Variants in KCNQ1 observed in about 807,000 individuals in gnomAD.
KCNQ1 encodes the protein potassium voltage-gated channel subfamily KQT member 1.
Under a neutral mutation model 72.4 loss-of-function variants are expected in KCNQ1, and 49 were observed. The observed-to-expected ratio is 0.68, with a 90% CI of 0.54 to 0.86. The LOEUF (loss-of-function observed/expected upper bound fraction) is 0.86, where lower values mean the gene tolerates loss of function less well. Among genes scored for constraint, KCNQ1 ranks in the 40% least tolerant of loss-of-function variants. The pLI, the probability that KCNQ1 is intolerant of heterozygous loss-of-function variation, is 0.00. For missense variants in KCNQ1, 790 were observed against 945.1 expected (o/e 0.84, Z 2.15); for synonymous variants, 450 against 412.6 (o/e 1.09, Z -1.10).
chr11:2,839,864 G>A (rs1445296191), intron 15 of KCNQ1: 2 of 152,196 alleles, frequency 1.3e-5, no homozygotes, highest in Non-Finnish European at 1.5e-5. Context: ...ATGCCAGAAC[G>A]AGCCTGTCGT....
At chr11:2,520,473 C>T (rs1263962801) in intron 1 of KCNQ1, among the ~76,000 whole-genome samples, 1 of 152,184 alleles carries the variant, frequency 6.6e-6, no homozygotes, top group African/African-American at 2.4e-5. Context: ...ACCTCCAAAC[C>T]CTGCTGAGGC....
intron 15 of KCNQ1, among the ~76,000 whole-genome samples, chr11:2,778,555 A>G (rs909863653): frequency 6.6e-6 from 1 of 152,014 alleles, no homozygotes; most frequent in African/African-American, 2.4e-5. Flanking sequence ...CCCACTCCCC[A>G]CCAGGCTCTG....
intron 2 of KCNQ1, among the ~76,000 whole-genome samples, chr11:2,554,870 A>G (rs1007928338): frequency 2.0e-5 from 3 of 152,184 alleles, no homozygotes; most frequent in Non-Finnish European, 4.4e-5. Flanking sequence ...CCCTTAAAAC[A>G]TTCCTGAAAG....
rs181665841 is a variant in KCNQ1, at chr11:2,840,085, C to T, written c.1795-7682C>T. 2.6e-5 allele frequency: 4 copies of T among 152,184 alleles called. No homozygotes were observed. The East Asian group carries it at 7.7e-4, about 29-fold the overall frequency. 9.4% of individuals were successfully genotyped at this position (152,184 alleles called of 1,614,324 possible). ...AACTTTTGACTCCCCAGAAACTTCA[C>T]TAATAGCCTCCTGTTGACTGGAGGC... On this transcript the variant is annotated intron_variant, in intron 15 of 15. Transcript: ENST00000155840.
Position 2,661,500 on chromosome 11 carries a change from A to C in KCNQ1, c.1394-461A>C, listed in dbSNP as rs912024880. 5.7e-5 allele frequency: 25 copies of C among 442,052 alleles called. 1 individual carries two copies. The highest frequency in any genetic ancestry group is 2.8e-5 in the Non-Finnish European group (7 of 251,606). 27.4% of individuals were successfully genotyped at this position (442,052 alleles called of 1,614,324 possible). ...CCACCTCCCAGGCTTGCCATTCCTC[A>C]TGGGTCAGAGGTCCTATCACCCCAT... On this transcript the variant is annotated intron_variant, in intron 10 of 15. Coordinates refer to ENST00000155840, the MANE Select transcript of KCNQ1 (RefSeq NM_000218.3). This position sits in a 1 kb window ranked among gnomAD's most constrained non-coding sequence, Gnocchi z 5.9.
At position 2,467,059 on chromosome 11, in the gene KCNQ1, A is replaced by T. The variant is rs529811045; in HGVS notation, c.386+21575A>T. Among the ~76,000 whole-genome samples the T allele has an allele frequency of 7.9e-5, 12 of 151,938 alleles. No homozygotes were observed. The East Asian group carries it at 2.3e-3, about 30-fold the overall frequency. ...CAGGGGAAGCCCGACAGATGGGGGC[A>T]CTCCAGGCAGGGGCAGGAGGTGACC... On this transcript the variant is annotated intron_variant, in intron 1 of 15. Coordinates refer to ENST00000155840, the MANE Select transcript of KCNQ1 (RefSeq NM_000218.3).
chr11:2,477,673 A>T lies in KCNQ1; in HGVS notation c.386+32189A>T, dbSNP rs936116506. On this transcript the variant is annotated intron_variant, in intron 1 of 15. Coordinates refer to ENST00000155840, the MANE Select transcript of KCNQ1 (RefSeq NM_000218.3). This position sits in a 1 kb window ranked among gnomAD's most constrained non-coding sequence, Gnocchi z 5.0. ...CACCACTTTGGGAGGCTAAGGTGGG[A>T]GGATTGCCTGAGCTCAGGAGACCAG... 4.6e-5 allele frequency among the ~76,000 whole-genome samples: 7 copies of T among 151,442 alleles called. No homozygotes were observed. The highest frequency in any genetic ancestry group is 7.4e-5 in the Non-Finnish European group (5 of 67,890).
chr11:2,692,072 T>C, intron 11 of KCNQ1: 3 of 398,762 alleles, frequency 7.5e-6, no homozygotes, highest in Non-Finnish European at 1.3e-5. Context: ...CAGACCCACA[T>C]TCCAGTCACC....
rs1850567906 is a variant in KCNQ1, at chr11:2,690,327, C to G, written c.1514+28246C>G. 5.0e-6 allele frequency: 2 copies of G among 398,680 alleles called. No homozygotes were observed. The highest frequency in any genetic ancestry group is 7.1e-5 in the East Asian group (2 of 28,086). The allele number at this position is 398,680 out of a possible 1,614,324, so 24.7% of individuals were successfully genotyped here. ...GATTGTCACAAGGATTAAATGATGTCAAGTCTGAGGCTGCCCTGCAGCTGC... is the reference window on the plus strand; with the variant it reads ...GATTGTCACAAGGATTAAATGATGTGAAGTCTGAGGCTGCCCTGCAGCTGC... On this transcript the variant is annotated intron_variant, in intron 11 of 15. Coordinates refer to ENST00000155840, the MANE Select transcript of KCNQ1 (RefSeq NM_000218.3). The surrounding 1 kb of genome is among the most constrained non-coding windows in gnomAD (Gnocchi z 5.1).
rs1849163464 is a variant in KCNQ1 at position 2,621,058 on chromosome 11, A to G, written c.1393+32204A>G. 2 of 395,800 alleles carry G rather than the reference A, an allele frequency of 5.1e-6. No homozygotes were observed. The highest frequency in any genetic ancestry group is 8.9e-6 in the Non-Finnish European group (2 of 225,534). 24.5% of individuals were successfully genotyped at this position (395,800 alleles called of 1,614,324 possible). A position where few individuals can be genotyped will look rare whatever the true frequency, so the allele number is the denominator to read the frequency against. Reference sequence around the variant, plus strand: ...AGTGGCGCAATCTCGGCTCACTGCAACCTCCACCTCCTGGGTTCAAGCAAT... The same window carrying G: ...AGTGGCGCAATCTCGGCTCACTGCAGCCTCCACCTCCTGGGTTCAAGCAAT... On this transcript the variant is annotated intron_variant, in intron 10 of 15. Transcript: ENST00000155840. This position sits in a 1 kb window ranked among gnomAD's most constrained non-coding sequence, Gnocchi z 5.7.
In KCNQ1 at chr11:2,642,506, A is replaced by G; in HGVS notation, c.1394-19455A>G. The G allele has an allele frequency of 5.0e-6, 2 of 397,972 alleles. No homozygotes were observed. Among genetic ancestry groups the G allele is most frequent in the African/African-American group, 2.1e-5 (1 of 48,736 alleles). The allele number at this position is 397,972 out of a possible 1,614,324, so 24.7% of individuals were successfully genotyped here. A position where few individuals can be genotyped will look rare whatever the true frequency, so the allele number is the denominator to read the frequency against. ...AGTTTTGATTTTTGTATTTCATGGT[A>G]TGAGTTGTAATATCCCCTTTTTCAT... On this transcript the variant is annotated intron_variant, in intron 10 of 15. Coordinates refer to ENST00000155840, the MANE Select transcript of KCNQ1 (RefSeq NM_000218.3). This position sits in a 1 kb window ranked among gnomAD's most constrained non-coding sequence, Gnocchi z 4.3.
At position 2,713,246 on chromosome 11, in the gene KCNQ1, G is replaced by C. The variant is rs139976972; in HGVS notation, c.1514+51165G>C. Reference sequence around the variant, plus strand: ...CCCGAGCCAGCCGGACCTGCATCCCGCTCCTCCTCCGCTCCCTGGAAACGT... The same window carrying C: ...CCCGAGCCAGCCGGACCTGCATCCCCCTCCTCCTCCGCTCCCTGGAAACGT... On this transcript the variant is annotated intron_variant, in intron 11 of 15. Transcript: ENST00000155840. This position sits in a 1 kb window ranked among gnomAD's most constrained non-coding sequence, Gnocchi z 5.6. Among the ~76,000 whole-genome samples the C allele has an allele frequency of 6.6e-6, 1 of 152,086 alleles. No individual in the cohort carries two copies. The highest frequency in any genetic ancestry group is 1.5e-5 in the Non-Finnish European group (1 of 68,020).
rs192055345 is a variant in KCNQ1, at chr11:2,506,850, A to G, written c.387-21078A>G. ...GAATTTGAATGTTTTCCCTGTGTCT[A>G]AAAGTCATGTGTGTGTGTATTTGTA... On this transcript the variant is annotated intron_variant, in intron 1 of 15. Coordinates refer to ENST00000155840, the MANE Select transcript of KCNQ1 (RefSeq NM_000218.3). Among the ~76,000 whole-genome samples, 30 of 152,316 alleles carry G rather than the reference A, an allele frequency of 2.0e-4. No homozygotes were observed. In the East Asian group the frequency reaches 2.7e-3, roughly 14 times the overall value.
chr11:2,487,907 T>C (rs1275459258), intron 1 of KCNQ1, among the ~76,000 whole-genome samples: 1 of 152,212 alleles, frequency 6.6e-6, no homozygotes, highest in African/African-American at 2.4e-5. Context: ...TTCAGTACAA[T>C]GTTGAATAGA....
chr11:2,756,518 GA>G (rs1362622229), intron 11 of KCNQ1, among the ~76,000 whole-genome samples: 6 of 151,978 alleles, frequency 3.9e-5, no homozygotes, highest in Admixed American at 6.6e-5. Flanking sequence ...AAGCAAGGGA[GA>G]GAGGAACACA....
At chr11:2,763,129 T>G (rs1243486112) in intron 11 of KCNQ1, among the ~76,000 whole-genome samples, 1 of 152,218 alleles carries the variant, frequency 6.6e-6, no homozygotes, top group African/African-American at 2.4e-5. Flanking sequence ...ACACCTCAAT[T>G]TGCAGAAAAT....
In KCNQ1 at chr11:2,663,595, C is replaced by T. The variant is rs1272367005; in HGVS notation, c.1514+1514C>T. 5.0e-6 allele frequency: 2 copies of T among 398,570 alleles called. No homozygotes were observed. The highest frequency in any genetic ancestry group is 2.1e-5 in the African/African-American group (1 of 48,642). 24.7% of individuals were successfully genotyped at this position (398,570 alleles called of 1,614,324 possible). On this transcript the variant is annotated intron_variant, in intron 11 of 15. Coordinates refer to ENST00000155840, the MANE Select transcript of KCNQ1 (RefSeq NM_000218.3). The surrounding 1 kb of genome is among the most constrained non-coding windows in gnomAD (Gnocchi z 5.2). ...TTCTCCTGTTGGAGCTCTCGCTCAC[C>T]TTGGTTCTCTTGGTCACGGACCAGC... is the stretch of plus-strand genomic sequence containing the variant.
chr11:2,626,430 T>C lies in KCNQ1; in HGVS notation c.1394-35531T>C, dbSNP rs992532595. ...TTCTCAGGAATCATTTGATCATGTA[T>C]ACAAGGGTTTATTTTTGGGCTCTCT... On this transcript the variant is annotated intron_variant, in intron 10 of 15. Coordinates refer to ENST00000155840, the MANE Select transcript of KCNQ1 (RefSeq NM_000218.3). This position sits in a 1 kb window ranked among gnomAD's most constrained non-coding sequence, Gnocchi z 4.0. 3.0e-5 allele frequency: 12 copies of C among 398,556 alleles called. No individual in the cohort carries two copies. The highest frequency in any genetic ancestry group is 5.3e-5 in the Non-Finnish European group (12 of 226,094). The allele number at this position is 398,556 out of a possible 1,614,324, so 24.7% of individuals were successfully genotyped here.
chr11:2,659,362 C>CT lies in KCNQ1; in HGVS notation c.1394-2595dup. The CT allele has an allele frequency of 2.5e-6, 1 of 398,552 alleles. No individual in the cohort carries two copies. Among genetic ancestry groups the CT allele is most frequent in the Non-Finnish European group, 4.4e-6 (1 of 226,030 alleles). 24.7% of individuals were successfully genotyped at this position (398,552 alleles called of 1,614,324 possible). A position where few individuals can be genotyped will look rare whatever the true frequency, so the allele number is the denominator to read the frequency against. ...TAAATGGGATCCTATAATATGTATT[C>CT]TTTTGCATCTGGCTTCTTTCACTGC... is the stretch of plus-strand genomic sequence containing the variant. On this transcript the variant is annotated intron_variant, in intron 10 of 15. Transcript: ENST00000155840. This position sits in a 1 kb window ranked among gnomAD's most constrained non-coding sequence, Gnocchi z 4.3.
Sources: gnomAD v4.1 joint callset for allele counts (sites outside exome capture counted in the v4.1 genomes callset) on GRCh38, gnomAD v4.1.1 for gene constraint, Gnocchi (gnomAD v3.1) non-coding constraint, MANE v1.5 for transcripts, NCBI Gene and HGNC (gene_info 2026-07-23, HGNC 2026-07-21) for gene names.